The following DDX6 variants were observed in gnomAD, a reference collection of about 807,000 sequenced individuals.
DDX6 encodes probable ATP-dependent RNA helicase DDX6.
Under a neutral mutation model 60.6 loss-of-function variants are expected in DDX6, and 7 were observed. The ratio of observed to expected loss-of-function variants is 0.12; its 90% CI spans 0.07 to 0.22. DDX6 has a LOEUF of 0.22. DDX6 is among the 10% of genes least tolerant of loss of function. The pLI is 1.00. For synonymous variants in DDX6, 207 were observed against 201.0 expected (o/e 1.03, Z -0.25); for missense variants, 270 against 589.9 (o/e 0.46, Z 5.62).
At chr11:118,759,832 A>G in intron 8 of DDX6, 90 bp downstream of exon 8, 3 of 1,359,590 alleles carry the variant, frequency 2.2e-6, no homozygotes, top group Non-Finnish European at 3.0e-6. Flanking sequence ...AGCATAAAGT[A>G]TATTCACAGA....
chr11:118,757,101 A>G, intron 10 of DDX6, 70 bp downstream of exon 10: 1 of 850,444 alleles, frequency 1.2e-6, no homozygotes, highest in Non-Finnish European at 1.7e-6. Context: ...GGACATTTAA[A>G]AGAACATTAA....
At chr11:118,753,541 T>C (rs546393) in intron 13 of DDX6, among the ~76,000 whole-genome samples, 58,888 of 150,352 alleles carry the variant, frequency 0.39, 11,937 homozygotes, top group Admixed American at 0.52. Flanking sequence ...GGTTTCACCA[T>C]GTTGGCCAGG....
At chr11:118,784,273 G>T (rs1862001234) in intron 2 of DDX6, among the ~76,000 whole-genome samples, 1 of 152,004 alleles carries the variant, frequency 6.6e-6, no homozygotes. Flanking sequence ...CAATTCTGCT[G>T]AAAATTAGTT....
At chr11:118,780,979 ATATC>A in intron 3 of DDX6, 138 bp downstream of exon 3, 1 of 552,454 alleles carries the variant, frequency 1.8e-6, no homozygotes, top group South Asian at 2.7e-5. Context: ...TATAGCCTGA[ATATC>A]TATCTTACTG....
Position 118,754,738 on chromosome 11 carries a change from C to T in DDX6, c.1426G>A (p.Glu476Lys), listed in dbSNP as rs782182181. The change falls in exon 13 of 14, where the codon GAG (glutamate) becomes AAG (lysine). Residue 476 changes from glutamate (E) to lysine (K), a missense_variant. By Grantham distance (56) the Glu-to-Lys change is moderately conservative. Coordinates refer to ENST00000534980, the MANE Select transcript of DDX6 (RefSeq NM_004397.6). ...KSLYVAEYHSEPVEDEKP is the reference protein window; with the variant it reads ...KSLYVAEYHSKPVEDEKP Reference sequence around the variant, plus strand: ...TAAGGTTTCTCATCTTCTACAGGCTCGCTGTGGTATTCTGCCACATACAGG... The same window carrying T: ...TAAGGTTTCTCATCTTCTACAGGCTTGCTGTGGTATTCTGCCACATACAGG... 8 of 1,612,080 alleles carry T rather than the reference C, an allele frequency of 5.0e-6. No individual in the cohort carries two copies. The highest frequency in any genetic ancestry group is 1.6e-4 in the Middle Eastern group (1 of 6,062).
At chr11:118,764,235 T>C (rs1270694348) in intron 6 of DDX6, among the ~76,000 whole-genome samples, 1 of 152,186 alleles carries the variant, frequency 6.6e-6, no homozygotes, top group African/African-American at 2.4e-5. Context: ...AATCAAGATA[T>C]AATTTTATAT....
chr11:118,771,273 A>T (rs782352145), intron 4 of DDX6, among the ~76,000 whole-genome samples: 3 of 148,902 alleles, frequency 2.0e-5, no homozygotes, highest in Non-Finnish European at 4.5e-5. Context: ...GAGGCAGAAC[A>T]GAATTAGACT....
chr11:118,785,991 C>T (rs1264522659), intron 2 of DDX6, 61 bp downstream of exon 2: 1 of 1,520,118 alleles, frequency 6.6e-7, no homozygotes, highest in Non-Finnish European at 9.0e-7. Flanking sequence ...TAGTCAACAC[C>T]AAAGTAACAC....
chr11:118,754,274 T>G (rs942641045), intron 13 of DDX6, among the ~76,000 whole-genome samples: 1 of 152,044 alleles, frequency 6.6e-6, no homozygotes, highest in Admixed American at 6.6e-5. Flanking sequence ...TACCAAAAAT[T>G]TAAAACATTA....
chr11:118,762,287 T>TA (rs1367687138), intron 7 of DDX6, among the ~76,000 whole-genome samples: 7 of 126,100 alleles, frequency 5.6e-5, no homozygotes, highest in Non-Finnish European at 1.0e-4. Flanking sequence ...AAAAAAAAAA[T>TA]AATAATAATA....
At chr11:118,753,619 T>A (rs2137405736) in intron 13 of DDX6, among the ~76,000 whole-genome samples, 1 of 152,142 alleles carries the variant, frequency 6.6e-6, no homozygotes, top group South Asian at 2.1e-4. Context: ...ATTACAGGTG[T>A]GAGCCACCGC....
chr11:118,758,340 C>A (rs1238163968), intron 9 of DDX6, among the ~76,000 whole-genome samples: 1 of 152,030 alleles, frequency 6.6e-6, no homozygotes, highest in Non-Finnish European at 1.5e-5. Flanking sequence ...ACTAAACCTG[C>A]CTTTTAGGAA....
chr11:118,754,604 A>G (rs1860900529), intron 13 of DDX6, 101 bp downstream of exon 13: 3 of 1,033,762 alleles, frequency 2.9e-6, no homozygotes, highest in Admixed American at 2.6e-5. Flanking sequence ...TTTACCCTTT[A>G]TTGCTATTAT....
At chr11:118,768,059 TA>T in intron 5 of DDX6, 163 bp downstream of exon 5, 1 of 637,892 alleles carries the variant, frequency 1.6e-6, no homozygotes, top group Non-Finnish European at 2.5e-6. Context: ...GAATCATTTT[TA>T]ATAAAAAGAC....
In DDX6 at chr11:118,752,104, AAGAAG is replaced by A. The variant is rs1802590632; in HGVS notation, c.*8-12_*8-8del. The A allele has an allele frequency of 8.8e-6, 2 of 226,266 alleles. No individual in the cohort carries two copies. The highest frequency in any genetic ancestry group is 2.3e-5 in the African/African-American group (1 of 42,720). The allele number at this position is 226,266 out of a possible 1,614,324, so 14.0% of individuals were successfully genotyped here. A position where few individuals can be genotyped will look rare whatever the true frequency, so the allele number is the denominator to read the frequency against. On this transcript the variant is annotated splice_polypyrimidine_tract_variant and splice_region_variant and intron_variant, in intron 13 of 13. Transcript: ENST00000534980. Reference sequence around the variant, plus strand: ...TTTTGTAATTTGTCAAAGCCTACAGAAGAAGAGAATACAAAATTAACATTCTGAAA... The same window carrying A: ...TTTTGTAATTTGTCAAAGCCTACAGAAGAATACAAAATTAACATTCTGAAA...
chr11:118,765,575 G>A (rs1555161155), intron 5 of DDX6, among the ~76,000 whole-genome samples: 1 of 152,044 alleles, frequency 6.6e-6, no homozygotes, highest in Non-Finnish European at 1.5e-5. Context: ...AGGAGTTCGA[G>A]AGCAGCCTGA....
At chr11:118,758,928 AGTC>A (rs1282097845) in intron 8 of DDX6, 26 bp from the exon 9 acceptor site, 3 of 1,612,430 alleles carry the variant, frequency 1.9e-6, no homozygotes, top group Non-Finnish European at 2.5e-6. Flanking sequence ...GAAAAAGATG[AGTC>A]GTCGTCTTAA....
chr11:118,757,114 C>A, intron 10 of DDX6, 57 bp downstream of exon 10: 2 of 951,980 alleles, frequency 2.1e-6, no homozygotes, highest in East Asian at 3.0e-5. Context: ...AACATTAAAA[C>A]AAAATAAAGA....
At chr11:118,772,491 G>A (rs1008808967) in intron 4 of DDX6, among the ~76,000 whole-genome samples, 9 of 152,132 alleles carry the variant, frequency 5.9e-5, no homozygotes, top group Non-Finnish European at 1.2e-4. Flanking sequence ...GTTGTTTAGG[G>A]GTGTGGGAAA....
Sources: allele counts gnomAD v4.1 joint callset (sites outside exome capture counted in the v4.1 genomes callset), GRCh38; gene constraint gnomAD v4.1.1; transcripts MANE v1.5; gene names NCBI Gene and HGNC (gene_info 2026-07-23, HGNC 2026-07-21).